Variants in NR3C2 observed in about 807,000 individuals in gnomAD.
The protein encoded by NR3C2 is mineralocorticoid receptor.
In NR3C2, 15 loss-of-function variants were observed where a neutral mutation model predicts 86.4. That is an observed-to-expected ratio of 0.17 (90% CI 0.12 to 0.27). The LOEUF (loss-of-function observed/expected upper bound fraction) is 0.27, where lower values mean the gene tolerates loss of function less well. Ranked by LOEUF, NR3C2 falls within the 10% of genes least tolerant of loss-of-function variation. The probability of loss-of-function intolerance (pLI) is 1.00; values close to 1 mark genes in which losing one functional copy is unlikely to be tolerated. For missense variants in NR3C2, 960 were observed against 1,195.6 expected (o/e 0.80, Z 2.91); for synonymous variants, 458 against 450.5 (o/e 1.02, Z -0.21).
At chr4:148,426,466 A>C (rs986002612) in intron 2 of NR3C2, among the ~76,000 whole-genome samples, 10 of 152,208 alleles carry the variant, frequency 6.6e-5, no homozygotes, top group African/African-American at 2.4e-4. Context: ...TTCTCTGGGC[A>C]TTAGTTTCAG....
At chr4:148,268,771 T>C (rs1475407731) in intron 2 of NR3C2, among the ~76,000 whole-genome samples, 1 of 152,184 alleles carries the variant, frequency 6.6e-6, no homozygotes, top group Non-Finnish European at 1.5e-5. Flanking sequence ...TGAGATTAAG[T>C]GTTAATGATT....
At chr4:148,203,461 A>G (rs1736834990) in intron 3 of NR3C2, among the ~76,000 whole-genome samples, 1 of 149,874 alleles carries the variant, frequency 6.7e-6, no homozygotes, top group Admixed American at 6.6e-5. Flanking sequence ...TTTTTTTTTA[A>G]GCAGTTGACA....
intron 6 of NR3C2, among the ~76,000 whole-genome samples, chr4:148,134,643 C>CTCTTTTTTTTTTT (rs1440338033): frequency 2.7e-4 from 11 of 40,804 alleles, no homozygotes; most frequent in Non-Finnish European, 5.2e-4. Flanking sequence ...CTCTCTCTCT[C>CTCTTTTTTTTTTT]TTTTTTTTTT....
At chr4:148,366,801 G>C (rs1746166283) in intron 2 of NR3C2, among the ~76,000 whole-genome samples, 1 of 152,008 alleles carries the variant, frequency 6.6e-6, no homozygotes, top group African/African-American at 2.4e-5. Context: ...AAGAATCATA[G>C]CAGAAATTAA....
chr4:148,419,695 A>G lies in NR3C2; in HGVS notation c.1757+15409T>C, dbSNP rs141190155. 5.4e-3 allele frequency among the ~76,000 whole-genome samples: 821 copies of G among 152,296 alleles called. 5 individuals are homozygous for G. Among genetic ancestry groups the G allele is most frequent in the African/African-American group, 0.018 (768 of 41,566 alleles). On this transcript the variant is annotated intron_variant, in intron 2 of 8. Transcript: ENST00000358102. ...TGTTTTGGAAAACATTCTGATTACCATTAATTTTTCTCATTATTAAAGCAT... is the reference window on the plus strand; with the variant it reads ...TGTTTTGGAAAACATTCTGATTACCGTTAATTTTTCTCATTATTAAAGCAT...
chr4:148,418,401 T>C (rs989474303), intron 2 of NR3C2, among the ~76,000 whole-genome samples: 1 of 152,178 alleles, frequency 6.6e-6, no homozygotes. Flanking sequence ...TTCATTTGTA[T>C]TGCTCTAAAA....
intron 2 of NR3C2, among the ~76,000 whole-genome samples, chr4:148,346,441 A>G (rs1222023564): frequency 2.6e-5 from 4 of 152,050 alleles, no homozygotes; most frequent in Non-Finnish European, 5.9e-5. Context: ...AGAAGAGGAT[A>G]TGCTTAGCTG....
chr4:148,113,927 C>T (rs1475426273), intron 8 of NR3C2, among the ~76,000 whole-genome samples, 177 bp downstream of exon 8: 3 of 152,212 alleles, frequency 2.0e-5, no homozygotes, highest in South Asian at 2.1e-4. Context: ...AACCCTATGT[C>T]TCATTCCCTG....
intron 2 of NR3C2, among the ~76,000 whole-genome samples, chr4:148,285,165 CATAAGA>C (rs1741452774): frequency 6.6e-6 from 1 of 152,140 alleles, no homozygotes; most frequent in Non-Finnish European, 1.5e-5. Context: ...CTGGGGGTCT[CATAAGA>C]ATATTTTCTG....
chr4:148,367,248 T>C (rs1746190639), intron 2 of NR3C2, among the ~76,000 whole-genome samples: 1 of 152,142 alleles, frequency 6.6e-6, no homozygotes, highest in Admixed American at 6.6e-5. Flanking sequence ...GCCCCAAAAT[T>C]AATAGGTGGT....
intron 2 of NR3C2, among the ~76,000 whole-genome samples, chr4:148,268,743 C>T (rs964194016): frequency 1.3e-5 from 2 of 152,140 alleles, no homozygotes; most frequent in Admixed American, 6.5e-5. Context: ...TGGCCCAAAT[C>T]ATGGAGGGTC....
At chr4:148,134,386 A>G (rs529298340) in intron 6 of NR3C2, among the ~76,000 whole-genome samples, 1 of 152,306 alleles carries the variant, frequency 6.6e-6, no homozygotes, top group South Asian at 2.1e-4. Context: ...TATAGTCTAA[A>G]TATTTCTTAT....
intron 4 of NR3C2, 57 bp downstream of exon 4, chr4:148,194,689 T>G: frequency 8.9e-7 from 1 of 1,122,146 alleles, no homozygotes; most frequent in Non-Finnish European, 1.3e-6. Flanking sequence ...ACACAGATCT[T>G]AGTGCTGTTG....
chr4:148,093,651 C>T (rs565499423), intron 8 of NR3C2, among the ~76,000 whole-genome samples: 8 of 152,274 alleles, frequency 5.3e-5, no homozygotes, highest in Admixed American at 1.3e-4. Flanking sequence ...AATACTCCAA[C>T]GCTAGTAGTT....
rs1242989474 is a variant in NR3C2, at chr4:148,328,738, T to A, written c.1758-68621A>T. On this transcript the variant is annotated intron_variant, in intron 2 of 8. Coordinates refer to ENST00000358102, the MANE Select transcript of NR3C2 (RefSeq NM_000901.5). Reference sequence around the variant, plus strand: ...ACTCTCAATTAACAAAGGGAAGAAATTAATAACAGGTTAAGTACCACCAAT... The same window carrying A: ...ACTCTCAATTAACAAAGGGAAGAAAATAATAACAGGTTAAGTACCACCAAT... 2.0e-5 allele frequency among the ~76,000 whole-genome samples: 3 copies of A among 152,242 alleles called. No homozygotes were observed. The East Asian group carries it at 5.8e-4, about 29-fold the overall frequency.
chr4:148,082,681 T>G (rs1318700617), intron 8 of NR3C2, among the ~76,000 whole-genome samples: 1 of 151,066 alleles, frequency 6.6e-6, no homozygotes, highest in Non-Finnish European at 1.5e-5. Flanking sequence ...TTTTTTTTTT[T>G]TCATACCCCA....
chr4:148,190,899 T>C (rs1246800278), intron 4 of NR3C2, among the ~76,000 whole-genome samples: 1 of 152,214 alleles, frequency 6.6e-6, no homozygotes, highest in Admixed American at 6.5e-5. Flanking sequence ...AGGCAGCAGA[T>C]AGTTGGTTGG....
intron 3 of NR3C2, among the ~76,000 whole-genome samples, chr4:148,234,061 T>C (rs1031991614): frequency 1.3e-5 from 2 of 152,122 alleles, no homozygotes; most frequent in East Asian, 1.9e-4. Flanking sequence ...CTAAAGATCA[T>C]TGAAATAAGT....
intron 3 of NR3C2, among the ~76,000 whole-genome samples, chr4:148,241,140 T>C (rs1344752153): frequency 6.6e-6 from 1 of 151,590 alleles, no homozygotes; most frequent in Admixed American, 6.6e-5. Flanking sequence ...ACCCCGTCTC[T>C]ACTAAAAATA....
Sources: allele counts gnomAD v4.1 joint callset (sites outside exome capture counted in the v4.1 genomes callset), GRCh38; gene constraint gnomAD v4.1.1; transcripts MANE v1.5; gene names NCBI Gene and HGNC (gene_info 2026-07-23, HGNC 2026-07-21).